SLC24A3: variants seen among roughly 807,000 people sequenced by gnomAD.
The protein encoded by SLC24A3 is solute carrier family 24 member 3, also known as sodium/potassium/calcium exchanger 3.
In SLC24A3, 28 loss-of-function variants were observed where a neutral mutation model predicts 75.8. The ratio of observed to expected loss-of-function variants is 0.37; its 90% CI spans 0.27 to 0.51. The LOEUF is 0.51. Among genes scored for constraint, SLC24A3 ranks in the 20% least tolerant of loss-of-function variants. The pLI is 0.94. For synonymous variants in SLC24A3, 372 were observed against 334.1 expected, an observed-to-expected ratio of 1.11 and a Z score of -1.24; for missense variants, 663 against 847.8, an observed-to-expected ratio of 0.78 and a Z score of 2.71.
chr20:19,342,500 G>A (rs1211505089), intron 2 of SLC24A3, among the ~76,000 whole-genome samples: 1 of 152,196 alleles, frequency 6.6e-6, no homozygotes, highest in African/African-American at 2.4e-5. Flanking sequence ...TCATACATTG[G>A]AATATGGGAA....
intron 14 of SLC24A3, 70 bp from the exon 15 acceptor site, chr20:19,698,498 G>A: frequency 5.5e-6 from 6 of 1,099,900 alleles, no homozygotes; most frequent in Non-Finnish European, 8.1e-6. Flanking sequence ...TGAGACTAAA[G>A]GCTTGGGAGA....
At chr20:19,533,417 G>T (rs1486654152) in intron 3 of SLC24A3, among the ~76,000 whole-genome samples, 1 of 152,206 alleles carries the variant, frequency 6.6e-6, no homozygotes, top group Non-Finnish European at 1.5e-5. Flanking sequence ...AAGAGGAGTT[G>T]CAAGGTCACA....
intron 2 of SLC24A3, among the ~76,000 whole-genome samples, chr20:19,409,154 C>A (rs1986702174): frequency 6.6e-6 from 1 of 152,222 alleles, no homozygotes. Flanking sequence ...TCCAGGAGGC[C>A]TCTCTGAGAA....
At chr20:19,670,605 T>C (rs976670491) in intron 8 of SLC24A3, among the ~76,000 whole-genome samples, 1 of 152,352 alleles carries the variant, frequency 6.6e-6, no homozygotes, top group African/African-American at 2.4e-5. Flanking sequence ...TTCTGGTGAC[T>C]TCTCACTGAA....
chr20:19,598,594 T>C (rs2031481160), intron 6 of SLC24A3, among the ~76,000 whole-genome samples: 1 of 152,054 alleles, frequency 6.6e-6, no homozygotes, highest in Non-Finnish European at 1.5e-5. Context: ...TTTATTTACT[T>C]GTGACTTTCT....
chr20:19,307,093 T>C (rs1457684739), intron 2 of SLC24A3, among the ~76,000 whole-genome samples: 2 of 152,148 alleles, frequency 1.3e-5, no homozygotes, highest in African/African-American at 2.4e-5. Flanking sequence ...GAAACAGCAA[T>C]GAACTGGGAA....
chr20:19,560,483 A>T (rs1318645001), intron 3 of SLC24A3, among the ~76,000 whole-genome samples: 1 of 152,188 alleles, frequency 6.6e-6, no homozygotes, highest in Non-Finnish European at 1.5e-5. Flanking sequence ...GTGGGTAGGA[A>T]GCTGTCATGG....
chr20:19,613,849 C>A (rs932972067), intron 6 of SLC24A3, among the ~76,000 whole-genome samples: 2 of 152,220 alleles, frequency 1.3e-5, no homozygotes, highest in Non-Finnish European at 2.9e-5. Flanking sequence ...ACCCTTGACT[C>A]ATGGGAATGT....
At chr20:19,241,209 C>CG (rs1346519168) in intron 1 of SLC24A3, among the ~76,000 whole-genome samples, 1 of 152,206 alleles carries the variant, frequency 6.6e-6, no homozygotes, top group African/African-American at 2.4e-5. Flanking sequence ...AGGACACGGA[C>CG]GGGGTTATCC....
At chr20:19,347,461 T>C (rs1243244162) in intron 2 of SLC24A3, among the ~76,000 whole-genome samples, 1 of 152,214 alleles carries the variant, frequency 6.6e-6, no homozygotes, top group Non-Finnish European at 1.5e-5. Context: ...TAGGGGAAAC[T>C]GGTTATCGGG....
intron 7 of SLC24A3, among the ~76,000 whole-genome samples, chr20:19,657,048 T>G (rs1394923139): frequency 6.6e-6 from 1 of 152,218 alleles, no homozygotes; most frequent in African/African-American, 2.4e-5. Flanking sequence ...CTGAGCTAGC[T>G]GAACACGCAG....
intron 2 of SLC24A3, among the ~76,000 whole-genome samples, chr20:19,322,685 T>C (rs11905215): frequency 0.09 from 13,747 of 152,186 alleles, 2,007 homozygotes; most frequent in African/African-American, 0.31. Flanking sequence ...AAACACATAG[T>C]GCTCCCTCAT....
chr20:19,706,132 AG>A (rs1277049472), intron 15 of SLC24A3, among the ~76,000 whole-genome samples: 1 of 152,206 alleles, frequency 6.6e-6, no homozygotes, highest in Non-Finnish European at 1.5e-5. Flanking sequence ...ACCAGAGTCC[AG>A]AAACAACAGA....
At chr20:19,465,621 A>G (rs1486242852) in intron 2 of SLC24A3, among the ~76,000 whole-genome samples, 1 of 152,142 alleles carries the variant, frequency 6.6e-6, no homozygotes, top group African/African-American at 2.4e-5. Context: ...CCGGGAAAAC[A>G]AGTTATGTTA....
intron 3 of SLC24A3, among the ~76,000 whole-genome samples, chr20:19,559,811 C>T (rs978193723): frequency 3.9e-5 from 6 of 152,018 alleles, no homozygotes; most frequent in Non-Finnish European, 8.8e-5. Flanking sequence ...TGAGCACTTG[C>T]TACTCACACT....
At chr20:19,688,601 C>T (rs2032708190) in intron 12 of SLC24A3, among the ~76,000 whole-genome samples, 1 of 152,194 alleles carries the variant, frequency 6.6e-6, no homozygotes, top group African/African-American at 2.4e-5. Flanking sequence ...GGGTTCCTAT[C>T]AAGTCAAGTT....
chr20:19,424,915 A>T (rs1351239502), intron 2 of SLC24A3, among the ~76,000 whole-genome samples: 1 of 152,152 alleles, frequency 6.6e-6, no homozygotes, highest in Non-Finnish European at 1.5e-5. Context: ...ATTATCCCAC[A>T]AAGGAACTTT....
intron 3 of SLC24A3, among the ~76,000 whole-genome samples, chr20:19,530,706 A>G (rs1464703906): frequency 6.6e-6 from 1 of 152,220 alleles, no homozygotes; most frequent in Non-Finnish European, 1.5e-5. Flanking sequence ...ACATTGTCAG[A>G]TTCCCCAGAA....
intron 5 of SLC24A3, among the ~76,000 whole-genome samples, 180 bp downstream of exon 5, chr20:19,585,235 TA>T (rs1178117427): frequency 6.6e-6 from 1 of 152,188 alleles, no homozygotes; most frequent in Non-Finnish European, 1.5e-5. Context: ...GTGATGCTTT[TA>T]CTGTGCATGA....
Sources: gnomAD v4.1 joint callset for allele counts (sites outside exome capture counted in the v4.1 genomes callset) on GRCh38, gnomAD v4.1.1 for gene constraint, MANE v1.5 for transcripts, NCBI Gene and HGNC (gene_info 2026-07-23, HGNC 2026-07-21) for gene names.